The following UCK2 variants were observed in gnomAD, a reference collection of about 807,000 sequenced individuals.
UCK2 encodes the protein uridine-cytidine kinase 2.
Under a neutral mutation model 30.8 loss-of-function variants are expected in UCK2, and 6 were observed. That is an observed-to-expected ratio of 0.19 (90% CI 0.11 to 0.38). The LOEUF (loss-of-function observed/expected upper bound fraction) is 0.38. Among genes scored for constraint, UCK2 ranks in the 10% least tolerant of loss-of-function variants. The pLI is 1.00. For synonymous variants in UCK2, 125 were observed against 133.6 expected (o/e 0.94, Z 0.45); for missense variants, 210 against 339.8 (o/e 0.62, Z 3.00).
chr1:165,847,389 CAAT>C (rs1250773312), intron 1 of UCK2, among the ~76,000 whole-genome samples: 1 of 152,128 alleles, frequency 6.6e-6, no homozygotes, highest in Non-Finnish European at 1.5e-5. Flanking sequence ...GTATTGATAA[CAAT>C]AATGACACCT....
At chr1:165,860,215 C>T (rs776099981) in intron 1 of UCK2, among the ~76,000 whole-genome samples, 3 of 152,194 alleles carry the variant, frequency 2.0e-5, no homozygotes. Flanking sequence ...TGCTGCCTTT[C>T]AGGATCACCT....
At chr1:165,848,027 C>A (rs1654494701) in intron 1 of UCK2, among the ~76,000 whole-genome samples, 1 of 151,800 alleles carries the variant, frequency 6.6e-6, no homozygotes, top group African/African-American at 2.4e-5. Context: ...AGTGACACCT[C>A]CTGTTTCCCT....
At chr1:165,857,096 CCA>C (rs1273821473) in intron 1 of UCK2, among the ~76,000 whole-genome samples, 2 of 152,080 alleles carry the variant, frequency 1.3e-5, no homozygotes, top group African/African-American at 4.8e-5. Flanking sequence ...CTTGAGTCAA[CCA>C]CAGTCTTGTG....
Position 165,827,751 on chromosome 1 carries a change from A to C in UCK2, c.-83A>C, listed in dbSNP as rs865925090. On this transcript the variant is annotated 5_prime_UTR_variant, in exon 1 of 7. Coordinates refer to ENST00000367879, the MANE Select transcript of UCK2 (RefSeq NM_012474.5). The stretch of plus-strand genomic sequence containing the variant: ...CGGCAGCGCCCAGCGGCGGCTGCGG[A>C]AAGCGGAGGGAGTCCGACGCGGGCG... 2.5e-6 allele frequency: 3 copies of C among 1,205,946 alleles called. No homozygotes were observed. The highest frequency in any genetic ancestry group is 4.8e-4 in the Middle Eastern group (2 of 4,186). 74.7% of individuals were successfully genotyped at this position (1,205,946 alleles called of 1,614,324 possible). A position where few individuals can be genotyped will look rare whatever the true frequency, so the allele number is the denominator to read the frequency against.
At chr1:165,832,805 G>T (rs1354671645) in intron 1 of UCK2, among the ~76,000 whole-genome samples, 2 of 151,956 alleles carry the variant, frequency 1.3e-5, no homozygotes, top group Admixed American at 6.6e-5. Flanking sequence ...TGTTGGCCAG[G>T]CTGGTCTCAT....
At chr1:165,902,193 G>A (rs184505860) in intron 4 of UCK2, among the ~76,000 whole-genome samples, 210 of 152,112 alleles carry the variant, frequency 1.4e-3, no homozygotes, top group African/African-American at 4.7e-3. Flanking sequence ...CTGAGATCGC[G>A]CCACTGCACT....
Position 165,905,390 on chromosome 1 carries a change from G to A in UCK2, c.598-531G>A, listed in dbSNP as rs943482035. On this transcript the variant is annotated intron_variant, in intron 5 of 6. Coordinates refer to ENST00000367879, the MANE Select transcript of UCK2 (RefSeq NM_012474.5). ...TCCCAGCTACTCAGGAGGCTGAGGTGGGATGATCTCCCCAACTCAGGAAGT... is the reference window on the plus strand; with the variant it reads ...TCCCAGCTACTCAGGAGGCTGAGGTAGGATGATCTCCCCAACTCAGGAAGT... Among the ~76,000 whole-genome samples, 7 of 152,000 alleles carry A rather than the reference G, an allele frequency of 4.6e-5. No homozygotes were observed. In the East Asian group the frequency reaches 9.6e-4, roughly 21 times the overall value.
intron 3 of UCK2, chr1:165,894,081 G>T (rs1022521877): frequency 1.3e-5 from 2 of 152,048 alleles, no homozygotes; most frequent in Non-Finnish European, 2.9e-5. Context: ...TGTTAGGGAG[G>T]CTCATTGTAG....
intron 1 of UCK2, among the ~76,000 whole-genome samples, chr1:165,828,141 G>A (rs1333334268): frequency 6.6e-6 from 1 of 151,734 alleles, no homozygotes; most frequent in Non-Finnish European, 1.5e-5. Flanking sequence ...TGGGGGTTCC[G>A]GGGGTACGCG....
intron 5 of UCK2, among the ~76,000 whole-genome samples, chr1:165,903,683 C>T (rs778316196): frequency 1.1e-4 from 16 of 152,152 alleles, no homozygotes; most frequent in South Asian, 2.1e-4. Flanking sequence ...TGCTGTGCCC[C>T]GAGATGTTCC....
intron 6 of UCK2, among the ~76,000 whole-genome samples, chr1:165,906,239 A>C (rs1647655907): frequency 1.3e-5 from 2 of 152,172 alleles, no homozygotes; most frequent in African/African-American, 4.8e-5. Context: ...ATCACTTCCC[A>C]ATGATGACAC....
chr1:165,870,024 G>A (rs954868778), intron 1 of UCK2, among the ~76,000 whole-genome samples: 35 of 152,138 alleles, frequency 2.3e-4, no homozygotes, highest in African/African-American at 8.4e-4. Context: ...AGTATTACAT[G>A]TAAGAAATCA....
At chr1:165,846,758 A>G (rs141252509) in intron 1 of UCK2, among the ~76,000 whole-genome samples, 24 of 152,328 alleles carry the variant, frequency 1.6e-4, no homozygotes, top group African/African-American at 5.8e-4. Flanking sequence ...AGCTGACTTG[A>G]TTTAGGGATT....
chr1:165,865,938 G>T (rs1655034171), intron 1 of UCK2, among the ~76,000 whole-genome samples: 1 of 152,244 alleles, frequency 6.6e-6, no homozygotes, highest in Non-Finnish European at 1.5e-5. Context: ...TAAGCAGAAA[G>T]ATCTGATCCG....
intron 3 of UCK2, 94 bp downstream of exon 3, chr1:165,891,416 C>T: frequency 1.7e-6 from 2 of 1,155,732 alleles, no homozygotes; most frequent in Non-Finnish European, 2.6e-6. Context: ...TCTCGCACTT[C>T]AGACCTCTGT....
intron 1 of UCK2, among the ~76,000 whole-genome samples, chr1:165,864,749 AGCTCACT>A (rs1655006074): frequency 6.6e-6 from 1 of 152,166 alleles, no homozygotes; most frequent in Non-Finnish European, 1.5e-5. Flanking sequence ...GCATGATCAT[AGCTCACT>A]GCAGCCCCGA....
intron 4 of UCK2, among the ~76,000 whole-genome samples, chr1:165,898,497 C>A (rs1349641249): frequency 6.6e-6 from 1 of 152,174 alleles, no homozygotes; most frequent in Non-Finnish European, 1.5e-5. Flanking sequence ...CCAAGGGGAT[C>A]TGCTCCGGTC....
chr1:165,875,073 C>G (rs985752172), intron 1 of UCK2, among the ~76,000 whole-genome samples: 2 of 149,450 alleles, frequency 1.3e-5, no homozygotes, highest in African/African-American at 4.9e-5. Context: ...AATGGACTTT[C>G]CTGGAAAGAT....
At chr1:165,884,809 T>C (rs1655579349) in intron 1 of UCK2, among the ~76,000 whole-genome samples, 1 of 152,316 alleles carries the variant, frequency 6.6e-6, no homozygotes, top group South Asian at 2.1e-4. Context: ...AGCTGCCCTT[T>C]TGGAAACTGC....
Sources: allele counts gnomAD v4.1 joint callset (sites outside exome capture counted in the v4.1 genomes callset), GRCh38; gene constraint gnomAD v4.1.1; transcripts MANE v1.5; gene names NCBI Gene and HGNC (gene_info 2026-07-23, HGNC 2026-07-21).